The following ODF2L variants were observed in gnomAD, a reference collection of about 807,000 sequenced individuals.
ODF2L encodes the protein outer dense fiber of sperm tails 2 like.
In ODF2L, 76 loss-of-function variants were observed where a neutral mutation model predicts 86.3. The ratio of observed to expected loss-of-function variants is 0.88; its 90% confidence interval spans 0.73 to 1.07. ODF2L has a LOEUF of 1.07. Ranked by LOEUF, ODF2L falls within the 50% of genes least tolerant of loss-of-function variation. ODF2L has a pLI of 0.00. For missense variants in ODF2L, 748 were observed against 717.4 expected, an observed-to-expected ratio of 1.04 and a Z score of -0.49; for synonymous variants, 241 against 231.3, an observed-to-expected ratio of 1.04 and a Z score of -0.38.
intron 7 of ODF2L, among the ~76,000 whole-genome samples, chr1:86,380,737 TACAG>T (rs1374408030): frequency 6.6e-6 from 1 of 152,250 alleles, no homozygotes. Flanking sequence ...TCACATTTTA[TACAG>T]ACAATCATTC....
chr1:86,349,027 A>G, downstream of ODF2L: 1 of 684,826 alleles, frequency 1.5e-6, no homozygotes. Flanking sequence ...GTTCATTCTT[A>G]GAGCTCACTC....
intron 14 of ODF2L, chr1:86,355,200 T>C: frequency 1.7e-6 from 1 of 604,666 alleles, no homozygotes; most frequent in Non-Finnish European, 2.9e-6. Flanking sequence ...TCTCCTATTT[T>C]TGGATACCTA....
intron 1 of ODF2L, chr1:86,395,801 C>G (rs1332444758): frequency 6.6e-6 from 1 of 152,246 alleles, no homozygotes; most frequent in African/African-American, 2.4e-5. Flanking sequence ...CCTGATGTCC[C>G]GGGGACCACA....
exon 3 of ODF2L, chr1:86,385,496 G>C: frequency 1.3e-6 from 2 of 1,598,526 alleles, no homozygotes; most frequent in Non-Finnish European, 1.7e-6. Context: ...TCCTTAAATA[G>C]TGGCAAAAGC....
chr1:86,355,884 T>C (rs1346541571), intron 14 of ODF2L: 1 of 159,032 alleles, frequency 6.3e-6, no homozygotes, highest in African/African-American at 2.4e-5. Flanking sequence ...CTTGTCACCA[T>C]CTTTGGACTG....
chr1:86,386,163 A>C (rs1182523214), intron 2 of ODF2L: 1 of 152,278 alleles, frequency 6.6e-6, no homozygotes, highest in East Asian at 1.9e-4. Flanking sequence ...GGTATATACT[A>C]AGATTGCCAT....
chr1:86,384,438 C>T (rs1425339289), intron 4 of ODF2L, among the ~76,000 whole-genome samples: 9 of 151,294 alleles, frequency 5.9e-5, no homozygotes, highest in Non-Finnish European at 1.2e-4. Context: ...TTATTAGAAT[C>T]AGCTCAATTA....
chr1:86,358,995 C>T (rs1658804899), intron 12 of ODF2L, 104 bp from the exon 12 acceptor site: 1 of 583,834 alleles, frequency 1.7e-6, no homozygotes, highest in Non-Finnish European at 2.9e-6. Context: ...ATTTTCCTAT[C>T]AATATCCTTG....
intron 7 of ODF2L, among the ~76,000 whole-genome samples, chr1:86,381,520 C>A (rs1232065459): frequency 6.6e-6 from 1 of 151,872 alleles, no homozygotes; most frequent in East Asian, 1.9e-4. Flanking sequence ...AGTGCAAAAC[C>A]AAACAGAAAT....
exon 18 of ODF2L, chr1:86,350,368 C>T (rs1338205920): frequency 6.6e-6 from 1 of 152,146 alleles, no homozygotes; most frequent in East Asian, 1.9e-4. Context: ...GTTTTCTGTT[C>T]TTGTGTTAGT....
exon 10 of ODF2L, chr1:86,371,074 C>T (rs1659757364): frequency 1.9e-6 from 3 of 1,564,928 alleles, no homozygotes; most frequent in African/African-American, 1.4e-5. Flanking sequence ...ATTGAGTGAA[C>T]TTTTCTAAGA....
At chr1:86,364,779 C>T (rs1030482453) in intron 11 of ODF2L, among the ~76,000 whole-genome samples, 5 of 152,116 alleles carry the variant, frequency 3.3e-5, no homozygotes, top group Admixed American at 2.0e-4. Context: ...CTAGGGATGG[C>T]AGAACAGAAA....
intron 1 of ODF2L, 70 bp from the exon 2 acceptor site, chr1:86,387,156 A>G (rs1661013356): frequency 3.8e-6 from 2 of 525,572 alleles, no homozygotes; most frequent in Non-Finnish European, 6.6e-6. Flanking sequence ...CATAAAAAAT[A>G]AAGGTTATAA....
At chr1:86,386,055 G>A (rs1040028682) in intron 2 of ODF2L, 4 of 152,462 alleles carry the variant, frequency 2.6e-5, no homozygotes, top group Non-Finnish European at 5.9e-5. Flanking sequence ...AAAAACCATG[G>A]GCAGAAAGTC....
chr1:86,348,823 G>A (rs566039482), downstream of ODF2L: 69 of 1,558,796 alleles, frequency 4.4e-5, 1 homozygote, highest in East Asian at 3.9e-4. Flanking sequence ...TTGATTTTCC[G>A]ACTTCTCAAG....
chr1:86,363,480 T>C (rs992684985), intron 11 of ODF2L, among the ~76,000 whole-genome samples: 5 of 152,184 alleles, frequency 3.3e-5, no homozygotes, highest in Non-Finnish European at 7.4e-5. Context: ...GGAAAATGTA[T>C]AGGGACTATT....
chr1:86,372,501 A>G (rs868727167), exon 9 of ODF2L: 1 of 1,528,954 alleles, frequency 6.5e-7, no homozygotes, highest in Admixed American at 2.1e-5. Flanking sequence ...TGACTTTTCC[A>G]GGCATTGGAA....
chr1:86,362,937 G>A lies in ODF2L; in HGVS notation c.1144-2401C>T, dbSNP rs543696201. On this transcript the variant is annotated intron_variant, in intron 11 of 17. Transcript: ENST00000317336. ...CCTCCCAAAGTGCTGGGATTACAGC[G>A]TGAGACACCACACCCAGCTGACTAC... Among the ~76,000 whole-genome samples, 5 of 152,258 alleles carry A rather than the reference G, an allele frequency of 3.3e-5. No individual in the cohort carries two copies. In the East Asian group the frequency reaches 5.8e-4, roughly 18 times the overall value.
Position 86,372,379 on chromosome 1 carries a change from T to A in ODF2L, c.920+52A>T, listed in dbSNP as rs1271410697. ...AATACAAACAACTCAAAGAATTTTT[T>A]AAAAAGTGAAAACTCTTACTAAATA... On this transcript the variant is annotated intron_variant, in intron 9 of 17. Coordinates refer to ENST00000317336, the Ensembl canonical transcript of ODF2L. The A allele has an allele frequency of 9.0e-6, 8 of 886,794 alleles. No individual in the cohort carries two copies. The African/African-American group carries it at 1.2e-4, about 14-fold the overall frequency. The allele number at this position is 886,794 out of a possible 1,614,324, so 54.9% of individuals were successfully genotyped here.
Sources: allele counts gnomAD v4.1 joint callset (sites outside exome capture counted in the v4.1 genomes callset), GRCh38; gene constraint gnomAD v4.1.1; transcripts MANE v1.5; gene names NCBI Gene and HGNC (gene_info 2026-07-23, HGNC 2026-07-21).